The following MYMK variants were observed in gnomAD, a reference collection of about 807,000 sequenced individuals.
MYMK encodes the protein protein myomaker.
Under a neutral mutation model 22.4 loss-of-function variants are expected in MYMK, and 16 were observed. The observed-to-expected ratio is 0.72, with a 90% CI of 0.48 to 1.09. The LOEUF (loss-of-function observed/expected upper bound fraction) is 1.09, where lower values mean the gene tolerates loss of function less well. Ranked by LOEUF, MYMK falls within the 50% of genes least tolerant of loss-of-function variation. The pLI, the probability that MYMK is intolerant of heterozygous loss-of-function variation, is 0.00. For synonymous variants in MYMK, 125 were observed against 127.0 expected, an observed-to-expected ratio of 0.98 and a Z score of 0.11; for missense variants, 250 against 295.6, an observed-to-expected ratio of 0.85 and a Z score of 1.13.
intron 1 of MYMK, among the ~76,000 whole-genome samples, chr9:133,523,491 G>C (rs1368062903): frequency 2.0e-5 from 3 of 152,146 alleles, no homozygotes; most frequent in Non-Finnish European, 1.5e-5. Flanking sequence ...AGCAAGGAAG[G>C]CTTCGGGAGA....
In MYMK at chr9:133,514,956, C is replaced by G. The variant is rs372279194; in HGVS notation, c.517-171G>C. Among the ~76,000 whole-genome samples, 6 of 152,274 alleles carry G rather than the reference C, an allele frequency of 3.9e-5. No homozygotes were observed. The East Asian group carries it at 9.7e-4, about 25-fold the overall frequency. ...CAGTGGTTTTTCTCTCCACCTAAAC[C>G]CAGAGCAGTGAGGGCCTGTGCCATC... On this transcript the variant is annotated intron_variant, in intron 4 of 4. Transcript: ENST00000339996.
At chr9:133,514,915 C>T in intron 4 of MYMK, 130 bp from the exon 5 acceptor site, 3 of 1,011,022 alleles carry the variant, frequency 3.0e-6, no homozygotes, top group African/African-American at 1.6e-5. Flanking sequence ...GGAAGCCTCC[C>T]CCACGGTCGC....
At chr9:133,521,700 G>C (rs80304387) in intron 1 of MYMK, among the ~76,000 whole-genome samples, 4,487 of 152,236 alleles carry the variant, frequency 0.029, 241 homozygotes, top group African/African-American at 0.1. Flanking sequence ...TTGGGGACAG[G>C]GAAGCTTCAG....
rs1205900795 is a variant in MYMK at position 133,524,835 on chromosome 9, G to A, written c.10C>T (p.Leu4=). MGT[L]VAKLLLPTLS... ...GTGGGCAGGAGCAGCTTGGCCACCA[G>A]CGTCCCCATGGGCCAGGAGGAAAGC... The change falls in exon 1 of 5, where the codon CTG becomes TTG. Residue 4 remains leucine, a synonymous_variant. Transcript: ENST00000339996. 1.2e-6 allele frequency: 2 copies of A among 1,610,376 alleles called. No homozygotes were observed. The highest frequency in any genetic ancestry group is 1.7e-6 in the Non-Finnish European group (2 of 1,178,244).
At chr9:133,522,353 C>T (rs1032307046) in intron 1 of MYMK, among the ~76,000 whole-genome samples, 3 of 144,618 alleles carry the variant, frequency 2.1e-5, no homozygotes, top group Non-Finnish European at 4.6e-5. Flanking sequence ...CGGGGGGGGG[C>T]CTCCTCTGTT....
chr9:133,518,857 G>T lies in MYMK; in HGVS notation c.399+17C>A. The T allele has an allele frequency of 6.2e-7, 1 of 1,605,056 alleles. No individual in the cohort carries two copies. Among genetic ancestry groups the T allele is most frequent in the South Asian group, 1.1e-5 (1 of 90,612 alleles). On this transcript the variant is annotated intron_variant, in intron 3 of 4. Transcript: ENST00000339996. Reference sequence around the variant, plus strand: ...GCCTCCTGGGTCCCCGTTCATCGAGGCTCGCGCAGTACGCACCCACTTTGC... The same window carrying T: ...GCCTCCTGGGTCCCCGTTCATCGAGTCTCGCGCAGTACGCACCCACTTTGC...
intron 1 of MYMK, among the ~76,000 whole-genome samples, chr9:133,523,788 A>AGGGT (rs1285402854): frequency 6.6e-6 from 1 of 151,782 alleles, no homozygotes. Flanking sequence ...AAAACCAGGG[A>AGGGT]GGGTGGGACC....
Position 133,524,860 on chromosome 9 carries a change from C to T in MYMK, c.-16G>A. On this transcript the variant is annotated 5_prime_UTR_variant, in exon 1 of 5. Coordinates refer to ENST00000339996, the MANE Select transcript of MYMK (RefSeq NM_001080483.3). ...GCGTCCCCATGGGCCAGGAGGAAAG[C>T]ACTGGCTGGGGTGGGGAGGGTGCTG... 6.3e-7 allele frequency: 1 copy of T among 1,596,762 alleles called. No individual in the cohort carries two copies. The highest frequency in any genetic ancestry group is 8.5e-7 in the Non-Finnish European group (1 of 1,170,938).
In MYMK at chr9:133,514,690, G is replaced by A. The variant is rs201569140; in HGVS notation, c.612C>T (p.Ser204=). The A allele has an allele frequency of 5.6e-6, 9 of 1,613,906 alleles. No individual in the cohort carries two copies. Among genetic ancestry groups the A allele is most frequent in the Non-Finnish European group, 7.6e-6 (9 of 1,179,896 alleles). The part of the protein sequence containing the change: ...LLPKVNKKAG[S]PGTPAKLDCS... ...AGTCCAGCTTGGCCGGGGTCCCCGG[G>A]GATCCAGCCTTCTTGTTGACCTTGG... The change falls in exon 5 of 5, where the codon TCC becomes TCT. Residue 204 remains serine (S), a synonymous_variant. Coordinates refer to ENST00000339996, the MANE Select transcript of MYMK (RefSeq NM_001080483.3).
Position 133,515,473 on chromosome 9 carries a change from C to G in MYMK, c.516+18G>C. 6.4e-7 allele frequency: 1 copy of G among 1,557,720 alleles called. No homozygotes were observed. Among genetic ancestry groups the G allele is most frequent in the Non-Finnish European group, 8.9e-7 (1 of 1,129,704 alleles). On this transcript the variant is annotated intron_variant, in intron 4 of 4. Transcript: ENST00000339996. This position sits in a 1 kb window ranked among gnomAD's most constrained non-coding sequence, Gnocchi z 5.8. ...GTGGGCTCTGGGGCACAGGACACCTCCCCGCTGGGCTTGGTACCTCAAAGA... is the reference window on the plus strand; with the variant it reads ...GTGGGCTCTGGGGCACAGGACACCTGCCCGCTGGGCTTGGTACCTCAAAGA...
Position 133,518,620 on chromosome 9 carries a change from T to C in MYMK, c.399+254A>G, listed in dbSNP as rs546791755. Among the ~76,000 whole-genome samples, 251 of 152,308 alleles carry C rather than the reference T, an allele frequency of 1.6e-3. 1 individual carries two copies. Among genetic ancestry groups the C allele is most frequent in the African/African-American group, 5.5e-3 (227 of 41,566 alleles). On this transcript the variant is annotated intron_variant, in intron 3 of 4. Coordinates refer to ENST00000339996, the MANE Select transcript of MYMK (RefSeq NM_001080483.3). ...GTAATGACAACACCTGCTTTACAGG[T>C]ACGGGCGTGGAGGTGAGACATTGGG...
At position 133,515,725 on chromosome 9, in the gene MYMK, A is replaced by G; in HGVS notation, c.400-118T>C. 3.0e-6 allele frequency: 2 copies of G among 675,526 alleles called. No individual in the cohort carries two copies. The highest frequency in any genetic ancestry group is 5.2e-6 in the Non-Finnish European group (2 of 385,376). The allele number at this position is 675,526 out of a possible 1,614,324, so 41.8% of individuals were successfully genotyped here. A position where few individuals can be genotyped will look rare whatever the true frequency, so the allele number is the denominator to read the frequency against. On this transcript the variant is annotated intron_variant, in intron 3 of 4. Transcript: ENST00000339996. This position sits in a 1 kb window ranked among gnomAD's most constrained non-coding sequence, Gnocchi z 5.8. The stretch of plus-strand genomic sequence containing the variant: ...CTCACCCCAGCCCTCTCCCGGCAGG[A>G]GAGGAGGCTCAGGAGCCTCCTGCCG...
At chr9:133,524,666 A>T (rs1272968944) in intron 1 of MYMK, 44 bp downstream of exon 1, 22 of 1,613,854 alleles carry the variant, frequency 1.4e-5, no homozygotes, top group Non-Finnish European at 1.7e-5. Flanking sequence ...CTCTACCTCC[A>T]GGATGGGGCC....
At chr9:133,516,324 G>C (rs1844631216) in intron 3 of MYMK, among the ~76,000 whole-genome samples, 1 of 152,202 alleles carries the variant, frequency 6.6e-6, no homozygotes. Flanking sequence ...CCCTGAGCCT[G>C]GTCCCCTCTT....
intron 1 of MYMK, among the ~76,000 whole-genome samples, chr9:133,522,991 A>C (rs1421603712): frequency 5.3e-5 from 8 of 152,154 alleles, no homozygotes; most frequent in Admixed American, 5.2e-4. Flanking sequence ...CTGTGCACAG[A>C]GCGCCTAGCC....
At chr9:133,523,639 G>A (rs888482692) in intron 1 of MYMK, among the ~76,000 whole-genome samples, 1 of 149,772 alleles carries the variant, frequency 6.7e-6, no homozygotes, top group East Asian at 2.0e-4. Context: ...GGTAATAGAC[G>A]AATAGATCAC....
intron 1 of MYMK, among the ~76,000 whole-genome samples, chr9:133,520,698 A>G (rs1430241628): frequency 6.6e-6 from 1 of 152,134 alleles, no homozygotes; most frequent in African/African-American, 2.4e-5. Context: ...TGAAGCACAC[A>G]GCTGCGTGTT....
In MYMK at chr9:133,524,735, T is replaced by A. The variant is rs770077692; in HGVS notation, c.110A>T (p.Tyr37Phe). 1.2e-6 allele frequency: 2 copies of A among 1,613,872 alleles called. No homozygotes were observed. Among genetic ancestry groups the A allele is most frequent in the Non-Finnish European group, 1.7e-6 (2 of 1,179,988 alleles). Reference protein sequence around the residue: ...KRRFHMEAMVYLFTLFFVALH... With the variant: ...KRRFHMEAMVFLFTLFFVALH... ...CGCCACGAAGAACAGGGTGAAGAGG[T>A]AGACCATGGCCTCCATGTGGAACCG... The change falls in exon 1 of 5, where the codon TAC (tyrosine) becomes TTC (phenylalanine). Residue 37 changes from tyrosine (Y) to phenylalanine (F), a missense_variant. Physicochemically the swap from Tyr to Phe is conservative, Grantham distance 22. Transcript: ENST00000339996.
At chr9:133,523,491 G>T (rs1368062903) in intron 1 of MYMK, among the ~76,000 whole-genome samples, 1 of 152,146 alleles carries the variant, frequency 6.6e-6, no homozygotes, top group Admixed American at 6.5e-5. Context: ...AGCAAGGAAG[G>T]CTTCGGGAGA....
Sources: allele counts gnomAD v4.1 joint callset (sites outside exome capture counted in the v4.1 genomes callset), GRCh38; gene constraint gnomAD v4.1.1; non-coding constraint Gnocchi (gnomAD v3.1); transcripts MANE v1.5; gene names NCBI Gene and HGNC (gene_info 2026-07-23, HGNC 2026-07-21).